Variants in MACROD1 observed in about 807,000 individuals in gnomAD.
MACROD1 encodes mono-ADP ribosylhydrolase 1, also known as ADP-ribose glycohydrolase MACROD1.
Under a neutral mutation model 41.4 loss-of-function variants are expected in MACROD1, and 31 were observed. The ratio of observed to expected loss-of-function variants is 0.75; its 90% confidence interval spans 0.56 to 1.01. The LOEUF is 1.01. Among genes scored for constraint, MACROD1 ranks in the 50% least tolerant of loss-of-function variants. The pLI, the probability that MACROD1 is intolerant of heterozygous loss-of-function variation, is 0.00. For missense variants in MACROD1, 473 were observed against 460.0 expected, an observed-to-expected ratio of 1.03 and a Z score of -0.26; for synonymous variants, 252 against 203.4, an observed-to-expected ratio of 1.24 and a Z score of -2.03.
At chr11:64,057,165 G>T (rs982231092) in intron 3 of MACROD1, among the ~76,000 whole-genome samples, 4 of 152,314 alleles carry the variant, frequency 2.6e-5, no homozygotes, top group African/African-American at 9.6e-5. Flanking sequence ...GCCACTTTAG[G>T]CCACAGCCAG....
Position 64,096,207 on chromosome 11 carries a change from G to A in MACROD1, c.517+55032C>T, listed in dbSNP as rs1235327060. On this transcript the variant is annotated intron_variant, in intron 3 of 10. Transcript: ENST00000255681. The surrounding 1 kb of genome is among the most constrained non-coding windows in gnomAD (Gnocchi z 4.6). ...GCCAAGGGCCAGCCAAGAGCACTGT[G>A]ACGGGCAGGCAGGGGGTCGAACAGC... Among the ~76,000 whole-genome samples the A allele has an allele frequency of 6.6e-6, 1 of 152,252 alleles. No individual in the cohort carries two copies. The highest frequency in any genetic ancestry group is 1.9e-4 in the East Asian group (1 of 5,196).
intron 3 of MACROD1, chr11:64,117,581 C>T: frequency 6.2e-7 from 1 of 1,611,468 alleles, no homozygotes; most frequent in African/African-American, 1.3e-5. Flanking sequence ...GCGCCAAGAC[C>T]CTGGCCATCC....
chr11:64,165,622 C>G, intron 1 of MACROD1, 75 bp downstream of exon 1: 3 of 1,279,886 alleles, frequency 2.3e-6, no homozygotes, highest in South Asian at 4.0e-5. Flanking sequence ...GCTGCTCGCT[C>G]GTTGGGGGCC....
At chr11:64,101,770 T>G (rs1944675717) in intron 3 of MACROD1, among the ~76,000 whole-genome samples, 1 of 152,226 alleles carries the variant, frequency 6.6e-6, no homozygotes, top group Non-Finnish European at 1.5e-5. Context: ...CCAGGGCCTG[T>G]GCCCCACCTG....
intron 3 of MACROD1, among the ~76,000 whole-genome samples, chr11:64,089,490 C>T (rs1340888956): frequency 6.6e-6 from 1 of 152,228 alleles, no homozygotes; most frequent in Non-Finnish European, 1.5e-5. Context: ...CCAGCCCCCT[C>T]CCCTGACTCC....
At chr11:64,003,239 C>T (rs1462982020) in intron 4 of MACROD1, among the ~76,000 whole-genome samples, 1 of 152,164 alleles carries the variant, frequency 6.6e-6, no homozygotes, top group Non-Finnish European at 1.5e-5. Context: ...TCATATCAGC[C>T]CTCTGTCTCA....
intron 3 of MACROD1, chr11:64,117,671 G>A: frequency 1.2e-6 from 2 of 1,613,726 alleles, no homozygotes; most frequent in Non-Finnish European, 1.7e-6. Flanking sequence ...GGCTCAGTTG[G>A]CTGCGCCTGG....
intron 3 of MACROD1, among the ~76,000 whole-genome samples, chr11:64,089,410 A>C (rs990468888): frequency 6.6e-6 from 1 of 152,140 alleles, no homozygotes; most frequent in African/African-American, 2.4e-5. Flanking sequence ...CTGAGCCCAG[A>C]TTCCCCATCT....
intron 3 of MACROD1, chr11:64,116,094 C>A: frequency 1.0e-6 from 1 of 978,490 alleles, no homozygotes; most frequent in East Asian, 2.6e-5. Context: ...CTTGACCTCA[C>A]CCCGCAGGAC....
rs575523520 is a variant in MACROD1, at chr11:64,082,797, T to C, written c.518-67516A>G. The stretch of plus-strand genomic sequence containing the variant: ...ACCCCTGAAAGTCACCTGCTCCCAT[T>C]TCCCCTGTTTCCCTCAGCTCAGACA... On this transcript the variant is annotated intron_variant, in intron 3 of 10. Transcript: ENST00000255681. The surrounding 1 kb of genome is among the most constrained non-coding windows in gnomAD (Gnocchi z 4.5). Among the ~76,000 whole-genome samples, 4 of 152,240 alleles carry C rather than the reference T, an allele frequency of 2.6e-5. No homozygotes were observed. The highest frequency in any genetic ancestry group is 4.4e-5 in the Non-Finnish European group (3 of 68,008).
chr11:64,054,601 C>T (rs76873326), intron 3 of MACROD1, among the ~76,000 whole-genome samples: 4 of 152,140 alleles, frequency 2.6e-5, no homozygotes, highest in Non-Finnish European at 4.4e-5. Context: ...GGGCAAGCCA[C>T]GGTTCCTGGG....
At chr11:64,099,827 AGATG>A (rs544902818) in intron 3 of MACROD1, among the ~76,000 whole-genome samples, 15 of 151,008 alleles carry the variant, frequency 9.9e-5, no homozygotes, top group East Asian at 2.0e-4. Context: ...GTGAATGGAT[AGATG>A]GATGGATGGA....
intron 3 of MACROD1, among the ~76,000 whole-genome samples, chr11:64,100,910 C>T (rs902860775): frequency 8.5e-5 from 13 of 152,222 alleles, no homozygotes; most frequent in South Asian, 2.1e-4. Flanking sequence ...CAAAGCTGGA[C>T]GGGCACCAAG....
At chr11:64,117,868 G>C (rs1945020586) in intron 3 of MACROD1, 1 of 1,614,010 alleles carries the variant, frequency 6.2e-7, no homozygotes, top group South Asian at 1.1e-5. Flanking sequence ...GACAGCTATG[G>C]CCCTACCACC....
intron 3 of MACROD1, among the ~76,000 whole-genome samples, chr11:64,031,323 G>A (rs186017192): frequency 3.3e-5 from 5 of 152,210 alleles, no homozygotes; most frequent in East Asian, 3.9e-4. Flanking sequence ...GAAGCTCTGC[G>A]CCAGGGCCCA....
chr11:64,139,269 T>A (rs1342952852), intron 3 of MACROD1, among the ~76,000 whole-genome samples: 2 of 152,068 alleles, frequency 1.3e-5, no homozygotes, highest in African/African-American at 2.4e-5. Flanking sequence ...CTGGCTTCCA[T>A]CTCCTGACAC....
chr11:64,084,390 C>T (rs998984183), intron 3 of MACROD1, among the ~76,000 whole-genome samples: 10 of 152,144 alleles, frequency 6.6e-5, no homozygotes, highest in African/African-American at 1.4e-4. Context: ...GCTCTGCCCC[C>T]GCTGCCTGAG....
intron 4 of MACROD1, among the ~76,000 whole-genome samples, chr11:64,000,700 C>A (rs1366779591): frequency 2.6e-5 from 1 of 38,742 alleles, no homozygotes; most frequent in African/African-American, 1.5e-4. Context: ...GCCGGGGTGA[C>A]GGGGAAGCTT....
At chr11:64,152,756 C>T (rs1054844897) in intron 1 of MACROD1, among the ~76,000 whole-genome samples, 14 of 152,344 alleles carry the variant, frequency 9.2e-5, no homozygotes, top group African/African-American at 2.9e-4. Flanking sequence ...AGAACAGCTC[C>T]GAGCTTCCTC....
Sources: gnomAD v4.1 joint callset for allele counts (sites outside exome capture counted in the v4.1 genomes callset) on GRCh38, gnomAD v4.1.1 for gene constraint, Gnocchi (gnomAD v3.1) non-coding constraint, MANE v1.5 for transcripts, NCBI Gene and HGNC (gene_info 2026-07-23, HGNC 2026-07-21) for gene names.